The following PCDH15 variants were observed in gnomAD, a reference collection of about 807,000 sequenced individuals.
PCDH15 encodes the protein protocadherin related 15.
Under a neutral mutation model 178.5 loss-of-function variants are expected in PCDH15, and 129 were observed. The ratio of observed to expected loss-of-function variants is 0.72; its 90% confidence interval spans 0.63 to 0.84. The LOEUF (loss-of-function observed/expected upper bound fraction) is 0.84, where lower values mean the gene tolerates loss of function less well. Ranked by LOEUF, PCDH15 falls within the 40% of genes least tolerant of loss-of-function variation. The pLI is 0.00. For missense variants in PCDH15, 2,230 were observed against 2,099.9 expected, an observed-to-expected ratio of 1.06 and a Z score of -1.21; for synonymous variants, 800 against 732.0, an observed-to-expected ratio of 1.09 and a Z score of -1.50.
At chr10:53,896,382 T>G (rs1341364591) in intron 26 of PCDH15, among the ~76,000 whole-genome samples, 2 of 152,210 alleles carry the variant, frequency 1.3e-5, no homozygotes, top group Non-Finnish European at 2.9e-5. Flanking sequence ...ACATAGTTGC[T>G]TTTTTACAGT....
At chr10:55,520,878 T>C (rs1027711271) in intron 2 of PCDH15, among the ~76,000 whole-genome samples, 4 of 151,974 alleles carry the variant, frequency 2.6e-5, no homozygotes, top group Admixed American at 6.6e-5. Flanking sequence ...TTAATACATA[T>C]ATACATCAAG....
chr10:55,336,431 G>A (rs1162880707), intron 2 of PCDH15, among the ~76,000 whole-genome samples: 1 of 152,150 alleles, frequency 6.6e-6, no homozygotes, highest in African/African-American at 2.4e-5. Context: ...CCAGGAGGCA[G>A]AGGTTGCAGT....
intron 15 of PCDH15, among the ~76,000 whole-genome samples, chr10:54,104,705 C>T (rs113347453): frequency 0.05 from 7,517 of 151,810 alleles, 272 homozygotes; most frequent in African/African-American, 0.089. Context: ...GGCGTGGTGG[C>T]GGGCGCCTGT....
chr10:54,712,866 G>T (rs1309438342), intron 1 of PCDH15, among the ~76,000 whole-genome samples: 7 of 152,078 alleles, frequency 4.6e-5, no homozygotes, highest in South Asian at 4.1e-4. Context: ...TAAACAGATG[G>T]ATAGTTTGGA....
At chr10:55,004,979 A>G (rs1839889697) in intron 2 of PCDH15, among the ~76,000 whole-genome samples, 1 of 152,134 alleles carries the variant, frequency 6.6e-6, no homozygotes, top group African/African-American at 2.4e-5. Flanking sequence ...TGGTGTTCCA[A>G]TGATATAAAA....
intron 2 of PCDH15, among the ~76,000 whole-genome samples, chr10:55,337,910 A>C (rs1186045008): frequency 6.6e-6 from 1 of 152,200 alleles, no homozygotes; most frequent in Non-Finnish European, 1.5e-5. Context: ...AAAACTATCC[A>C]TCTGACAAAG....
At chr10:55,248,055 T>C (rs1193966081) in intron 1 of PCDH15, among the ~76,000 whole-genome samples, 1 of 151,128 alleles carries the variant, frequency 6.6e-6, no homozygotes, top group Non-Finnish European at 1.5e-5. Context: ...TATATTTATA[T>C]GTACAATTGT....
chr10:54,297,364 T>C (rs959630296), intron 8 of PCDH15, among the ~76,000 whole-genome samples: 2 of 152,054 alleles, frequency 1.3e-5, no homozygotes, highest in African/African-American at 4.8e-5. Flanking sequence ...TGGGGAAAAA[T>C]GGCCACCCGA....
intron 13 of PCDH15, among the ~76,000 whole-genome samples, chr10:54,154,433 TA>T (rs2044875005): frequency 6.6e-6 from 1 of 152,172 alleles, no homozygotes; most frequent in Admixed American, 6.6e-5. Flanking sequence ...ACATTACTTC[TA>T]AAAATAGTAG....
intron 2 of PCDH15, among the ~76,000 whole-genome samples, chr10:55,367,616 A>C (rs538629381): frequency 6.6e-6 from 1 of 152,122 alleles, no homozygotes; most frequent in African/African-American, 2.4e-5. Context: ...ACAAAAGACA[A>C]AAACAAACAA....
intron 2 of PCDH15, among the ~76,000 whole-genome samples, chr10:54,916,926 C>A (rs1286102824): frequency 1.3e-5 from 2 of 152,076 alleles, no homozygotes; most frequent in African/African-American, 4.8e-5. Context: ...TGCTTACTGT[C>A]ACATAGGAGA....
chr10:54,807,466 A>C (rs1009752225), intron 3 of PCDH15, among the ~76,000 whole-genome samples: 1 of 151,922 alleles, frequency 6.6e-6, no homozygotes, highest in African/African-American at 2.4e-5. Flanking sequence ...GGTACAACAC[A>C]AACTGTAGGA....
chr10:54,112,923 A>C (rs1371762735), intron 15 of PCDH15, among the ~76,000 whole-genome samples: 1 of 152,164 alleles, frequency 6.6e-6, no homozygotes, highest in Non-Finnish European at 1.5e-5. Context: ...CGTAGACTGA[A>C]GTTTTCAGTC....
intron 2 of PCDH15, chr10:54,655,119 G>A (rs1273763617): frequency 1.3e-5 from 2 of 152,550 alleles, no homozygotes; most frequent in African/African-American, 4.8e-5. Flanking sequence ...CCCGAGGCAG[G>A]AGAATGGCGT....
At chr10:54,779,469 T>G (rs1189730058) in intron 1 of PCDH15, among the ~76,000 whole-genome samples, 5 of 120,408 alleles carry the variant, frequency 4.2e-5, no homozygotes, top group Non-Finnish European at 5.4e-5. Context: ...TGTGTGTATA[T>G]ATATACACAC....
intron 20 of PCDH15, among the ~76,000 whole-genome samples, chr10:54,016,961 T>C (rs1409118481): frequency 6.6e-6 from 1 of 152,194 alleles, no homozygotes; most frequent in Non-Finnish European, 1.5e-5. Flanking sequence ...CCTAAACCTT[T>C]TGAATTAAAA....
At chr10:55,348,750 C>A (rs2131963983) in intron 2 of PCDH15, among the ~76,000 whole-genome samples, 1 of 152,188 alleles carries the variant, frequency 6.6e-6, no homozygotes, top group East Asian at 1.9e-4. Flanking sequence ...CAGGGTTTTT[C>A]TTACTGTGGG....
intron 15 of PCDH15, among the ~76,000 whole-genome samples, chr10:54,099,395 G>A (rs2094762670): frequency 6.6e-6 from 1 of 150,478 alleles, no homozygotes; most frequent in African/African-American, 2.4e-5. Flanking sequence ...AGCTACTCGG[G>A]AGGCTGAGGC....
At chr10:54,877,116 G>A (rs1397291538) in intron 3 of PCDH15, among the ~76,000 whole-genome samples, 6 of 152,052 alleles carry the variant, frequency 3.9e-5, no homozygotes, top group Non-Finnish European at 7.4e-5. Context: ...ATTACAAATC[G>A]CTGAAGTCTC....
Sources: allele counts gnomAD v4.1 joint callset (sites outside exome capture counted in the v4.1 genomes callset), GRCh38; gene constraint gnomAD v4.1.1; transcripts MANE v1.5; gene names NCBI Gene and HGNC (gene_info 2026-07-23, HGNC 2026-07-21).